ANKRD26: variants seen among roughly 807,000 people sequenced by gnomAD.
ANKRD26 encodes the protein ankyrin repeat domain 26.
A neutral mutation model predicts 208.7 loss-of-function variants in ANKRD26; 141 were observed. The observed-to-expected ratio is 0.68, with a 90% CI of 0.59 to 0.78. ANKRD26 has a LOEUF of 0.78. Among genes scored for constraint, ANKRD26 ranks in the 30% least tolerant of loss-of-function variants. The pLI is 0.00. For missense variants in ANKRD26, 1,889 were observed against 1,938.7 expected, an observed-to-expected ratio of 0.97 and a Z score of 0.48; for synonymous variants, 636 against 660.4, an observed-to-expected ratio of 0.96 and a Z score of 0.57.
At chr10:27,012,839 T>C (rs1053137311) in intron 32 of ANKRD26, 43 bp downstream of exon 32, 4 of 1,557,146 alleles carry the variant, frequency 2.6e-6, no homozygotes, top group Non-Finnish European at 3.5e-6. Context: ...AAGAATTACA[T>C]GAGAAATTTG....
At chr10:26,988,710 A>G (rs1177928427), downstream of ANKRD26, among the ~76,000 whole-genome samples, 2 of 152,038 alleles carry the variant, frequency 1.3e-5, no homozygotes, top group African/African-American at 2.4e-5. Context: ...GTGAGTGTCT[A>G]AATATTATGC....
chr10:27,070,648 G>A (rs898898641), intron 9 of ANKRD26, among the ~76,000 whole-genome samples: 1 of 151,834 alleles, frequency 6.6e-6, no homozygotes, highest in Non-Finnish European at 1.5e-5. Context: ...ACTTTTAAAA[G>A]TAAAAAATCA....
downstream of ANKRD26, among the ~76,000 whole-genome samples, chr10:26,968,906 A>C (rs7098759): frequency 0.024 from 3,608 of 152,266 alleles, 154 homozygotes; most frequent in African/African-American, 0.082. Flanking sequence ...TGAGAACAAG[A>C]TAGGTCTGCA....
At chr10:27,051,427 T>C in intron 16 of ANKRD26, 1 of 1,102,832 alleles carries the variant, frequency 9.1e-7, no homozygotes, top group Non-Finnish European at 1.1e-6. Context: ...ACACGTCTGA[T>C]GTCTAATTTC....
At chr10:26,949,395 T>C in the ANKRD26 span, among the ~76,000 whole-genome samples, 1 of 151,492 alleles carries the variant, frequency 6.6e-6, no homozygotes, top group East Asian at 1.9e-4. Flanking sequence ...TCATATGACC[T>C]TGAGACAAAT....
At chr10:26,997,509 T>C (rs1246626093) in intron 4 of ANKRD26, among the ~76,000 whole-genome samples, 3 of 152,208 alleles carry the variant, frequency 2.0e-5, no homozygotes, top group Non-Finnish European at 4.4e-5. Flanking sequence ...CCGTTTCAAG[T>C]GTCCCAGTCT....
intron 12 of ANKRD26, chr10:27,061,809 C>A (rs1026225749): frequency 4.6e-6 from 2 of 434,034 alleles, no homozygotes; most frequent in Non-Finnish European, 6.1e-6. Flanking sequence ...CAGCAACCCA[C>A]CCACCTTGGC....
At chr10:27,041,868 T>C (rs1175970469) in intron 20 of ANKRD26, among the ~76,000 whole-genome samples, 1 of 151,946 alleles carries the variant, frequency 6.6e-6, no homozygotes, top group Non-Finnish European at 1.5e-5. Context: ...AGAAAGGATA[T>C]GGCCAGGAGA....
intron 9 of ANKRD26, among the ~76,000 whole-genome samples, chr10:27,072,720 G>A (rs1341197665): frequency 3.3e-5 from 5 of 152,190 alleles, no homozygotes; most frequent in African/African-American, 1.2e-4. Context: ...CAAGGAAGTA[G>A]GAAACTTCTG....
chr10:27,049,063 C>A lies in ANKRD26; in HGVS notation c.1636-84G>T, dbSNP rs74128551. On this transcript the variant is annotated intron_variant, in intron 16 of 33. Transcript: ENST00000376087. The stretch of plus-strand genomic sequence containing the variant: ...TGTTTTCATTGAGTTTATCATTTGA[C>A]TCAGTTTAACTATGGTAACTTTAGC... 652 of 1,177,904 alleles carry A rather than the reference C, an allele frequency of 5.5e-4. 3 individuals are homozygous for A. The African/African-American group carries it at 8.4e-3, about 15-fold the overall frequency. The allele number at this position is 1,177,904 out of a possible 1,614,324, so 73.0% of individuals were successfully genotyped here.
intron 1 of ANKRD26, among the ~76,000 whole-genome samples, chr10:27,099,177 G>C (rs2056564252): frequency 6.6e-6 from 1 of 151,994 alleles, no homozygotes; most frequent in Non-Finnish European, 1.5e-5. Context: ...TTTTAGTAGA[G>C]ACGGGGTTTC....
At position 27,012,986 on chromosome 10, in the gene ANKRD26, T is replaced by C; in HGVS notation, c.4849A>G (p.Asn1617Asp). Reference sequence around the variant, plus strand: ...AGTTTTCTGTTGAGATCTAAACTATTATTAAGATTTCCCACACAAGGTGGC... The same window carrying C: ...AGTTTTCTGTTGAGATCTAAACTATCATTAAGATTTCCCACACAAGGTGGC... Reference protein sequence around the residue: ...MEPPCVGNLNNSLDLNRKLIP... With the variant: ...MEPPCVGNLNDSLDLNRKLIP... Residue 1617 changes from asparagine (N) to aspartate (D), a missense_variant, in exon 32 of 34, where the codon AAT becomes GAT. Asn to Asp is a conservative substitution (Grantham distance 23, BLOSUM62 1). Transcript: ENST00000376087. 1.2e-6 allele frequency: 2 copies of C among 1,613,996 alleles called. No individual in the cohort carries two copies. The highest frequency in any genetic ancestry group is 2.2e-5 in the South Asian group (2 of 91,082).
rs572545429 is a variant in ANKRD26, at chr10:27,051,309, T to C, written c.1635+2011A>G. The C allele has an allele frequency of 1.6e-5, 20 of 1,287,230 alleles. No individual in the cohort carries two copies. The African/African-American group carries it at 2.3e-4, about 15-fold the overall frequency. The allele number at this position is 1,287,230 out of a possible 1,614,324, so 79.7% of individuals were successfully genotyped here. A position where few individuals can be genotyped will look rare whatever the true frequency, so the allele number is the denominator to read the frequency against. ...GTTCTGTATTGGTTTTGTTTTCTTG[T>C]AAGCGTCTGTACCAGCAGAAATACT... On this transcript the variant is annotated intron_variant, in intron 16 of 33. Transcript: ENST00000376087.
downstream of ANKRD26, among the ~76,000 whole-genome samples, chr10:26,991,193 C>T (rs1428659617): frequency 6.6e-6 from 1 of 152,198 alleles, no homozygotes; most frequent in African/African-American, 2.4e-5. Context: ...ATAAACACAG[C>T]CCAAGCCAGT....
chr10:26,979,973 A>C (rs906755599), intron 5 of ANKRD26, among the ~76,000 whole-genome samples: 2 of 152,052 alleles, frequency 1.3e-5, no homozygotes, highest in African/African-American at 4.8e-5. Context: ...TTGGTCAGCT[A>C]AGTTAACTAG....
chr10:27,022,642 A>T lies in ANKRD26; in HGVS notation c.4131T>A (p.Tyr1377Ter), dbSNP rs765754910. 1.3e-6 allele frequency: 2 copies of T among 1,579,652 alleles called. No individual in the cohort carries two copies. The highest frequency in any genetic ancestry group is 2.2e-5 in the South Asian group (2 of 90,172). Residue 1377 changes from tyrosine to a stop codon, truncating the protein, a stop_gained, in exon 29 of 34, where the codon TAT becomes TAA. Transcript: ENST00000376087. LOFTEE classifies it high-confidence loss of function. ...CATGGAAACTAAATTCTCCATTTTC[A>T]TATTCATTTAACTTCTTTCTTGTCA... Reference protein sequence around the residue: ...LKMTRKKLNEYENGEFSFHGD... With the variant: ...LKMTRKKLNE
chr10:27,073,686 T>C (rs2055586775), intron 9 of ANKRD26, among the ~76,000 whole-genome samples: 1 of 152,164 alleles, frequency 6.6e-6, no homozygotes, highest in Admixed American at 6.5e-5. Flanking sequence ...AGGCCTGAAA[T>C]GTTCAATCCA....
chr10:26,955,057 C>T, the ANKRD26 span, among the ~76,000 whole-genome samples: 1 of 151,154 alleles, frequency 6.6e-6, no homozygotes, highest in Non-Finnish European at 1.5e-5. Flanking sequence ...TGATTGTGTG[C>T]CTGATGGATT....
intron 29 of ANKRD26, among the ~76,000 whole-genome samples, chr10:27,018,736 A>G (rs2053388302): frequency 6.6e-6 from 1 of 152,182 alleles, no homozygotes; most frequent in Non-Finnish European, 1.5e-5. Context: ...TACATTGGGG[A>G]AAGGACATCC....
Sources: gnomAD v4.1 joint callset for allele counts (sites outside exome capture counted in the v4.1 genomes callset) on GRCh38, gnomAD v4.1.1 for gene constraint, MANE v1.5 for transcripts, NCBI Gene and HGNC (gene_info 2026-07-23, HGNC 2026-07-21) for gene names.